IL7: variants seen among roughly 807,000 people sequenced by gnomAD.
IL7 encodes interleukin-7.
IL7 carries 3 observed loss-of-function variants against 21.6 expected under a neutral mutation model. That is an observed-to-expected ratio of 0.14 (90% CI 0.06 to 0.36). IL7 has a LOEUF of 0.36. Ranked by LOEUF, IL7 falls within the 10% of genes least tolerant of loss-of-function variation. The pLI is 1.00. For synonymous variants in IL7, 62 were observed against 68.1 expected, an observed-to-expected ratio of 0.91 and a Z score of 0.44; for missense variants, 175 against 200.2, an observed-to-expected ratio of 0.87 and a Z score of 0.76.
At chr8:78,795,406 T>G (rs780031531) in intron 2 of IL7, among the ~76,000 whole-genome samples, 3 of 152,130 alleles carry the variant, frequency 2.0e-5, no homozygotes. Flanking sequence ...GTTGGACTGA[T>G]TAGCTGTGTT....
At chr8:78,804,203 T>C (rs1814205841) in intron 1 of IL7, among the ~76,000 whole-genome samples, 1 of 152,118 alleles carries the variant, frequency 6.6e-6, no homozygotes, top group Non-Finnish European at 1.5e-5. Flanking sequence ...GTCTCAATAC[T>C]GGTCTGGAAG....
downstream of IL7, among the ~76,000 whole-genome samples, chr8:78,715,851 C>T (rs980735521): frequency 5.9e-5 from 9 of 151,628 alleles, no homozygotes; most frequent in African/African-American, 1.9e-4. Context: ...ACTAGCCTGG[C>T]CAACATGGTG....
intron 2 of IL7, among the ~76,000 whole-genome samples, chr8:78,776,317 G>A (rs1384777119): frequency 6.6e-6 from 1 of 152,050 alleles, no homozygotes; most frequent in Non-Finnish European, 1.5e-5. Flanking sequence ...TTCACCCCTT[G>A]GATGGGATAG....
At chr8:78,698,501 C>T (rs917551483) in intron 3 of IL7, 2 of 1,608,228 alleles carry the variant, frequency 1.2e-6, no homozygotes, top group African/African-American at 1.3e-5. Flanking sequence ...GGGATAGCAG[C>T]CCCTCATGCA....
At chr8:78,741,546 C>A (rs879811463) in intron 2 of IL7, among the ~76,000 whole-genome samples, 1 of 152,090 alleles carries the variant, frequency 6.6e-6, no homozygotes, top group Non-Finnish European at 1.5e-5. Flanking sequence ...TAATGAATGC[C>A]AATTTCTTGC....
intron 3 of IL7, chr8:78,689,276 G>A: frequency 6.3e-7 from 1 of 1,599,404 alleles, no homozygotes; most frequent in Non-Finnish European, 8.5e-7. Flanking sequence ...GCAGCTGATA[G>A]ACATATAAAT....
intron 2 of IL7, among the ~76,000 whole-genome samples, chr8:78,755,968 T>C (rs1255403520): frequency 6.6e-6 from 1 of 152,062 alleles, no homozygotes; most frequent in Non-Finnish European, 1.5e-5. Flanking sequence ...TGTGGGTTAA[T>C]AATATATGGC....
At chr8:78,769,129 AG>A (rs1242013655) in intron 2 of IL7, among the ~76,000 whole-genome samples, 1 of 151,836 alleles carries the variant, frequency 6.6e-6, no homozygotes, top group African/African-American at 2.4e-5. Context: ...GGCACAAGAC[AG>A]GGATGCCCTC....
At chr8:78,734,275 C>T (rs568021161) in intron 5 of IL7, among the ~76,000 whole-genome samples, 5 of 152,280 alleles carry the variant, frequency 3.3e-5, no homozygotes, top group African/African-American at 1.2e-4. Context: ...AAGGTCTCCT[C>T]CAACAACTAA....
chr8:78,689,087 A>G, intron 3 of IL7: 1 of 515,916 alleles, frequency 1.9e-6, no homozygotes, highest in East Asian at 3.8e-5. Flanking sequence ...CTGGGTAGTT[A>G]TAAGGATATG....
chr8:78,758,918 A>T (rs1015705296), intron 2 of IL7, among the ~76,000 whole-genome samples: 1 of 152,042 alleles, frequency 6.6e-6, no homozygotes, highest in South Asian at 2.1e-4. Flanking sequence ...AGAATTTTTC[A>T]GATATTATTT....
chr8:78,693,793 A>G (rs1347394505), intron 3 of IL7, among the ~76,000 whole-genome samples: 1 of 152,198 alleles, frequency 6.6e-6, no homozygotes, highest in Non-Finnish European at 1.5e-5. Flanking sequence ...TGTTTTAGAC[A>G]TGAAGTCCTT....
chr8:78,677,562 T>G (rs1415944672), intron 4 of IL7, among the ~76,000 whole-genome samples: 1 of 152,180 alleles, frequency 6.6e-6, no homozygotes, highest in African/African-American at 2.4e-5. Flanking sequence ...AAACTACTAC[T>G]CTTACATTAA....
intron 3 of IL7, among the ~76,000 whole-genome samples, chr8:78,692,794 C>T (rs532487109): frequency 6.6e-6 from 1 of 152,188 alleles, no homozygotes; most frequent in East Asian, 1.9e-4. Context: ...AGGTTTGTTA[C>T]ATACGTGTAC....
chr8:78,722,159 T>G (rs1811252943), intron 3 of IL7, among the ~76,000 whole-genome samples: 1 of 152,000 alleles, frequency 6.6e-6, no homozygotes, highest in Admixed American at 6.6e-5. Context: ...CATTATAATT[T>G]TTAAAAAGCA....
At chr8:78,713,352 A>G (rs1415636130), downstream of IL7, among the ~76,000 whole-genome samples, 1 of 152,134 alleles carries the variant, frequency 6.6e-6, no homozygotes, top group Non-Finnish European at 1.5e-5. Flanking sequence ...TCCTCTAAAT[A>G]TAAACATTTT....
In IL7 at chr8:78,805,117, C is replaced by T. The variant is rs1814285487; in HGVS notation, c.-195G>A. The T allele has an allele frequency of 7.0e-6, 4 of 572,286 alleles. No homozygotes were observed. The highest frequency in any genetic ancestry group is 9.5e-6 in the Non-Finnish European group (3 of 316,570). The allele number at this position is 572,286 out of a possible 1,614,324, so 35.5% of individuals were successfully genotyped here. A position where few individuals can be genotyped will look rare whatever the true frequency, so the allele number is the denominator to read the frequency against. ...CATCCATCCCAAGGGGGGCGGCACACACTACGGCGTGGCTCTGCGCTTTGC... is the reference window on the plus strand; with the variant it reads ...CATCCATCCCAAGGGGGGCGGCACATACTACGGCGTGGCTCTGCGCTTTGC... On this transcript the variant is annotated 5_prime_UTR_variant, in exon 1 of 6. The change creates a new upstream start codon in the 5' untranslated region. Coordinates refer to ENST00000263851, the MANE Select transcript of IL7 (RefSeq NM_000880.4).
At chr8:78,714,532 G>A (rs1166671599), downstream of IL7, among the ~76,000 whole-genome samples, 2 of 152,040 alleles carry the variant, frequency 1.3e-5, no homozygotes, top group African/African-American at 4.8e-5. Flanking sequence ...AGTAGCATTA[G>A]CATTTGAATC....
exon 5 of IL7, chr8:78,676,009 G>A (rs992524987): frequency 2.5e-5 from 13 of 522,228 alleles, no homozygotes; most frequent in Non-Finnish European, 4.2e-5. Flanking sequence ...CTTGATTTCA[G>A]CTATGCCATT....
Sources: gnomAD v4.1 joint callset for allele counts (sites outside exome capture counted in the v4.1 genomes callset) on GRCh38, gnomAD v4.1.1 for gene constraint, MANE v1.5 for transcripts, NCBI Gene and HGNC (gene_info 2026-07-23, HGNC 2026-07-21) for gene names.